Variants in ZNF638 observed in about 807,000 individuals in gnomAD.
ZNF638 encodes the protein CTCL tumor antigen se33-1.
In ZNF638, 46 loss-of-function variants were observed where a neutral mutation model predicts 195.6. That is an observed-to-expected ratio of 0.24 (90% CI 0.19 to 0.30). The LOEUF is 0.30. ZNF638 is among the 10% of genes least tolerant of loss of function. The pLI, the probability that ZNF638 is intolerant of heterozygous loss-of-function variation, is 1.00. For synonymous variants in ZNF638, 845 were observed against 772.0 expected (o/e 1.09, Z -1.57); for missense variants, 2,440 against 2,325.3 (o/e 1.05, Z -1.01).
intron 8 of ZNF638, among the ~76,000 whole-genome samples, chr2:71,372,422 C>G (rs189839194): frequency 1.3e-5 from 2 of 152,146 alleles, no homozygotes; most frequent in Non-Finnish European, 2.9e-5. Flanking sequence ...TCCACTGTGA[C>G]AGAGCAGCAC....
At chr2:71,347,523 A>C (rs1241419684) in intron 1 of ZNF638, among the ~76,000 whole-genome samples, 1 of 152,236 alleles carries the variant, frequency 6.6e-6, no homozygotes, top group Non-Finnish European at 1.5e-5. Context: ...AATAGGATCC[A>C]TGATGTTGAT....
chr2:71,349,091 G>A lies in ZNF638; in HGVS notation c.137G>A (p.Gly46Glu). The A allele has an allele frequency of 3.1e-6, 5 of 1,614,168 alleles. No homozygotes were observed. The South Asian group carries it at 5.5e-5, about 18-fold the overall frequency. Reference protein sequence around the residue: ...SMGLPRFYPAGRARGIPHRFA... With the variant: ...SMGLPRFYPAERARGIPHRFA... ...GGTCTCCCAAGATTTTACCCAGCAG[G>A]GAGAGCACGTGGAATTCCACACAGA... The change falls in exon 2 of 28, where the codon GGG becomes GAG. Residue 46 changes from glycine (G) to glutamate (E), a missense_variant. By Grantham distance (98) the Gly-to-Glu change is moderately conservative (BLOSUM62 -2). Around this residue, in one of 5 missense-constraint regions of ZNF638, gnomAD observed 191 missense variants for 173.8 expected, o/e 1.10. Transcript: ENST00000264447.
At chr2:71,370,030 G>T in intron 8 of ZNF638, 25 bp downstream of exon 8, 1 of 1,576,160 alleles carries the variant, frequency 6.3e-7, no homozygotes, top group Non-Finnish European at 8.6e-7. Flanking sequence ...GGTCTTAAAT[G>T]TTTTATCACT....
At chr2:71,335,483 C>G (rs967035321) in intron 1 of ZNF638, among the ~76,000 whole-genome samples, 1 of 152,026 alleles carries the variant, frequency 6.6e-6, no homozygotes, top group Non-Finnish European at 1.5e-5. Context: ...TTTTAGCTAA[C>G]TTGCCTATTG....
At chr2:71,420,469 A>G (rs139090079) in intron 21 of ZNF638, among the ~76,000 whole-genome samples, 1 of 152,308 alleles carries the variant, frequency 6.6e-6, no homozygotes, top group East Asian at 1.9e-4. Context: ...TCTGAAATAA[A>G]CACTAATCTT....
At chr2:71,426,378 A>G (rs899810332) in intron 23 of ZNF638, 82 bp from the exon 24 acceptor site, 1 of 999,106 alleles carries the variant, frequency 1.0e-6, no homozygotes, top group Non-Finnish European at 1.5e-6. Context: ...AATGATCTGC[A>G]TGCACATTTA....
chr2:71,354,265 TA>T (rs1206782308), intron 2 of ZNF638, among the ~76,000 whole-genome samples: 4 of 151,864 alleles, frequency 2.6e-5, no homozygotes, highest in Non-Finnish European at 5.9e-5. Context: ...GGAGGAACAG[TA>T]AAACATTGAG....
At chr2:71,366,620 C>G (rs1210226310) in intron 6 of ZNF638, among the ~76,000 whole-genome samples, 1 of 152,090 alleles carries the variant, frequency 6.6e-6, no homozygotes, top group Non-Finnish European at 1.5e-5. Context: ...GTTTTGCTCT[C>G]TAATTGGGAA....
chr2:71,380,551 C>G lies in ZNF638; in HGVS notation c.2363C>G (p.Thr788Ser), dbSNP rs369140345. The change falls in exon 10 of 28, where the codon ACT becomes AGT. Residue 788 changes from threonine to serine, a missense_variant. Thr to Ser is a moderately conservative substitution (Grantham distance 58, BLOSUM62 1). Around this residue, in one of 5 missense-constraint regions of ZNF638, gnomAD observed 1,883 missense variants for 1,739.1 expected, o/e 1.08. Transcript: ENST00000264447. ...ADASKAVEIV[T>S]STSAAKTGQA... Reference sequence around the variant, plus strand: ...GCTTCAAAAGCTGTTGAAATTGTTACTTCAACTTCTGCTGGTAAGTTGTTA... The same window carrying G: ...GCTTCAAAAGCTGTTGAAATTGTTAGTTCAACTTCTGCTGGTAAGTTGTTA... 6.2e-7 allele frequency: 1 copy of G among 1,602,792 alleles called. No individual in the cohort carries two copies. Among genetic ancestry groups the G allele is most frequent in the African/African-American group, 1.3e-5 (1 of 74,350 alleles).
rs34506232 is a variant in ZNF638 at position 71,369,322 on chromosome 2, CAAAAAA to C, written c.2143-546_2143-541del. 2.8e-3 allele frequency among the ~76,000 whole-genome samples: 275 copies of C among 99,014 alleles called. 2 individuals are homozygous for C. Among genetic ancestry groups the C allele is most frequent in the African/African-American group, 0.01 (261 of 25,782 alleles). The allele number at this position is 99,014 out of a possible 152,430, so 65.0% of individuals were successfully genotyped here. On this transcript the variant is annotated intron_variant, in intron 7 of 27. Coordinates refer to ENST00000264447, the MANE Select transcript of ZNF638 (RefSeq NM_014497.5). ...TGGGCAACAGAGTAAGGCTCCGTCT[CAAAAAA>C]AAAAAAAAAAAAAAGTTTTGTGAGT...
intron 8 of ZNF638, chr2:71,375,902 C>A (rs1573074688): frequency 6.6e-6 from 1 of 152,114 alleles, no homozygotes; most frequent in Non-Finnish European, 1.5e-5. Flanking sequence ...ACCTTGAAAA[C>A]AGAAAGGAAT....
At chr2:71,365,794 A>G (rs1001220071) in intron 6 of ZNF638, 88 bp downstream of exon 6, 2 of 1,272,668 alleles carry the variant, frequency 1.6e-6, no homozygotes, top group African/African-American at 3.0e-5. Context: ...AGCATGGCTC[A>G]CTGCAGCCTC....
chr2:71,387,840 G>A (rs1277089354), intron 10 of ZNF638, among the ~76,000 whole-genome samples: 1 of 152,128 alleles, frequency 6.6e-6, no homozygotes, highest in Non-Finnish European at 1.5e-5. Context: ...TAATGCATAA[G>A]TATTTTGAGT....
At chr2:71,422,681 A>T in intron 21 of ZNF638, 133 bp from the exon 22 acceptor site, 1 of 873,220 alleles carries the variant, frequency 1.1e-6, no homozygotes, top group South Asian at 1.8e-5. Context: ...CCCAGTGCTT[A>T]TTACGAATGC....
At position 71,426,700 on chromosome 2, in the gene ZNF638, G is replaced by A. The variant is rs1249395444; in HGVS notation, c.4831G>A (p.Ala1611Thr). 6.2e-6 allele frequency: 10 copies of A among 1,614,080 alleles called. No individual in the cohort carries two copies. Among genetic ancestry groups the A allele is most frequent in the Non-Finnish European group, 8.5e-6 (10 of 1,180,038 alleles). ...LDEIGEEEDA[A>T]AHLAQALVTV... is the part of the protein sequence containing the mutation. ...TGAGATTGGGGAAGAGGAAGATGCAGCTGCACATCTAGCACAAGCTCTAGT... is the reference window on the plus strand; with the variant it reads ...TGAGATTGGGGAAGAGGAAGATGCAACTGCACATCTAGCACAAGCTCTAGT... The change falls in exon 24 of 28, where the codon GCT becomes ACT. Residue 1611 changes from alanine to threonine, a missense_variant. Transcript: ENST00000264447.
chr2:71,389,428 T>G (rs1280890585), intron 10 of ZNF638, among the ~76,000 whole-genome samples: 1 of 152,234 alleles, frequency 6.6e-6, no homozygotes, highest in African/African-American at 2.4e-5. Flanking sequence ...AGCAGACAAC[T>G]TCTGTTTGGC....
At chr2:71,426,364 C>T in intron 23 of ZNF638, 96 bp from the exon 24 acceptor site, 1 of 918,848 alleles carries the variant, frequency 1.1e-6, no homozygotes, top group Non-Finnish European at 1.6e-6. Flanking sequence ...CTGAAATTCT[C>T]CCAAATGATC....
At chr2:71,388,593 G>A in intron 10 of ZNF638, 1 of 778,340 alleles carries the variant, frequency 1.3e-6, no homozygotes, top group Non-Finnish European at 2.4e-6. Flanking sequence ...ACCTGTGTCT[G>A]CGTACTTTTT....
chr2:71,366,008 G>A (rs368117228), intron 6 of ZNF638, among the ~76,000 whole-genome samples: 5 of 152,288 alleles, frequency 3.3e-5, no homozygotes, highest in East Asian at 3.9e-4. Context: ...GCCTGGCTTC[G>A]TAATTCTTTG....
Sources: allele counts gnomAD v4.1 joint callset (sites outside exome capture counted in the v4.1 genomes callset), GRCh38; gene constraint gnomAD v4.1.1; regional missense constraint gnomAD v4.1.1; transcripts MANE v1.5; gene names NCBI Gene and HGNC (gene_info 2026-07-23, HGNC 2026-07-21).